The following DSG3 variants were observed in gnomAD, a reference collection of about 807,000 sequenced individuals.
DSG3 encodes desmoglein 3.
A neutral mutation model predicts 85.9 loss-of-function variants in DSG3; 63 were observed. The observed-to-expected ratio is 0.73, with a 90% CI of 0.60 to 0.90. The LOEUF is 0.90. Ranked by LOEUF, DSG3 falls within the 40% of genes least tolerant of loss-of-function variation. DSG3 has a pLI of 0.00. For missense variants in DSG3, 1,220 were observed against 1,219.9 expected (o/e 1.00, Z 0.00); for synonymous variants, 447 against 441.9 (o/e 1.01, Z -0.14).
Position 31,461,292 on chromosome 18 carries a change from G to A in DSG3, c.879G>A (p.Leu293=), listed in dbSNP as rs779110373. Residue 293 remains leucine (L), a synonymous_variant, in exon 8 of 16, where the codon TTG becomes TTA. Transcript: ENST00000257189. The stretch of plus-strand genomic sequence containing the variant: ...TACTTCGATTTCAAGTAACAGATTT[G>A]GATGAAGAGTACACAGATAATTGGC... ...SELLRFQVTD[L]DEEYTDNWLA... is the part of the protein sequence containing the mutation. The A allele has an allele frequency of 1.1e-5, 17 of 1,613,360 alleles. No individual in the cohort carries two copies. The highest frequency in any genetic ancestry group is 1.4e-5 in the Non-Finnish European group (16 of 1,179,702).
chr18:31,471,613 G>A (rs1234726749), intron 12 of DSG3, among the ~76,000 whole-genome samples: 1 of 152,174 alleles, frequency 6.6e-6, no homozygotes, highest in African/African-American at 2.4e-5. Context: ...TCAAGAATAA[G>A]TATTTCACTC....
intron 11 of DSG3, among the ~76,000 whole-genome samples, chr18:31,467,486 G>A (rs541884664): frequency 8.5e-4 from 130 of 152,322 alleles, no homozygotes; most frequent in Non-Finnish European, 1.2e-4. Context: ...AGGGAGTGCC[G>A]CTTACACTAT....
intron 1 of DSG3, among the ~76,000 whole-genome samples, chr18:31,449,098 A>G (rs1333570293): frequency 6.6e-6 from 1 of 152,134 alleles, no homozygotes; most frequent in Non-Finnish European, 1.5e-5. Context: ...GGGTTTTGCC[A>G]TGTTGACCAG....
chr18:31,469,550 A>G (rs536082453), intron 12 of DSG3, among the ~76,000 whole-genome samples: 63 of 152,354 alleles, frequency 4.1e-4, no homozygotes, highest in African/African-American at 1.5e-3. Flanking sequence ...ATATAGCAAC[A>G]CAAGTTATAT....
At chr18:31,462,032 T>C (rs1232000004) in intron 8 of DSG3, among the ~76,000 whole-genome samples, 1 of 151,986 alleles carries the variant, frequency 6.6e-6, no homozygotes, top group Non-Finnish European at 1.5e-5. Flanking sequence ...TGGTTGGTTT[T>C]TGTTTTTTGT....
chr18:31,459,005 A>G, intron 4 of DSG3, 28 bp from the exon 5 acceptor site: 1 of 1,611,014 alleles, frequency 6.2e-7, no homozygotes, highest in Non-Finnish European at 8.5e-7. Context: ...TTGCAGAGTA[A>G]TACTCCACAT....
At chr18:31,474,013 CACTT>C in intron 14 of DSG3, 104 bp from the exon 15 acceptor site, 3 of 1,032,208 alleles carry the variant, frequency 2.9e-6, no homozygotes, top group Non-Finnish European at 4.2e-6. Flanking sequence ...TATTTTCTCC[CACTT>C]ACTTGTTTGC....
At chr18:31,458,723 T>C in intron 4 of DSG3, 123 bp downstream of exon 4, 1 of 1,132,400 alleles carries the variant, frequency 8.8e-7, no homozygotes, top group Non-Finnish European at 1.2e-6. Context: ...CACCAGCAAA[T>C]AACAATATTA....
Position 31,447,760 on chromosome 18 carries a change from C to A in DSG3, c.-118C>A. ...GACCGCATAACAGACCATCTGTAGA[C>A]TCCTTCGGAAAGCAGCAGAGACGCT... On this transcript the variant is annotated 5_prime_UTR_variant, in exon 1 of 16. Transcript: ENST00000257189. The A allele has an allele frequency of 1.3e-6, 1 of 761,780 alleles. No homozygotes were observed. The highest frequency in any genetic ancestry group is 2.0e-6 in the Non-Finnish European group (1 of 489,358). The allele number at this position is 761,780 out of a possible 1,614,324, so 47.2% of individuals were successfully genotyped here.
Position 31,458,578 on chromosome 18 carries a change from G to A in DSG3, c.350G>A (p.Arg117Gln), listed in dbSNP as rs371200207. The A allele has an allele frequency of 5.1e-5, 83 of 1,613,152 alleles. No individual in the cohort carries two copies. The highest frequency in any genetic ancestry group is 1.6e-4 in the Middle Eastern group (1 of 6,078). ...GDINITAIVD[R>Q]EETPSFLITC... ...ATTAACATAACAGCTATAGTCGACC[G>A]GGAGGAAACTCCAAGCTTCCTGGTA... The change falls in exon 4 of 16, where the codon CGG becomes CAG. Residue 117 changes from arginine (R) to glutamine (Q), a missense_variant. Coordinates refer to ENST00000257189, the MANE Select transcript of DSG3 (RefSeq NM_001944.3).
chr18:31,475,062 T>C (rs1466990713), intron 15 of DSG3, among the ~76,000 whole-genome samples: 3 of 151,980 alleles, frequency 2.0e-5, no homozygotes, highest in South Asian at 4.1e-4. Flanking sequence ...GCAAAAAGAA[T>C]AGGATGGAAG....
In DSG3 at chr18:31,466,832, G is replaced by A. The variant is rs2072823985; in HGVS notation, c.1636+78G>A. 16 of 1,314,718 alleles carry A rather than the reference G, an allele frequency of 1.2e-5. 1 individual carries two copies. In the South Asian group the frequency reaches 1.7e-4, roughly 14 times the overall value. 81.4% of individuals were successfully genotyped at this position (1,314,718 alleles called of 1,614,324 possible). On this transcript the variant is annotated intron_variant, in intron 11 of 15. Transcript: ENST00000257189. ...CAGAAGAATAAGGAAGATCATTTAA[G>A]AGCAGGTCCTTCCAAAAGTAACTGG...
rs750822818 is a variant in DSG3 at position 31,472,676 on chromosome 18, T to C, written c.2038-49T>C. On this transcript the variant is annotated intron_variant, in intron 13 of 15. Transcript: ENST00000257189. ...AGGGCCACATGTCACTATATTGCTC[T>C]GAAATCTGGTTCACTTTTAAATGAA... The C allele has an allele frequency of 1.9e-6, 3 of 1,593,524 alleles. No individual in the cohort carries two copies. The Admixed American group carries it at 5.0e-5, about 27-fold the overall frequency.
At chr18:31,465,292 C>A in intron 9 of DSG3, 26 bp from the exon 10 acceptor site, 1 of 1,357,442 alleles carries the variant, frequency 7.4e-7, no homozygotes, top group Non-Finnish European at 9.6e-7. Context: ...TGAAAGAAAA[C>A]TGATTTTTTT....
chr18:31,474,221 T>C lies in DSG3; in HGVS notation c.2202T>C (p.Ala734=). The C allele has an allele frequency of 6.2e-7, 1 of 1,614,194 alleles. No homozygotes were observed. The highest frequency in any genetic ancestry group is 1.1e-5 in the South Asian group (1 of 91,086). The change falls in exon 15 of 16, where the codon GCT becomes GCC. Residue 734 remains alanine (A), a synonymous_variant. Coordinates refer to ENST00000257189, the MANE Select transcript of DSG3 (RefSeq NM_001944.3). Reference sequence around the variant, plus strand: ...GAGCAGCCACTGAATCTGGAGGTGCTGCAGGCTTTGCAACAGGGACAGTGT... The same window carrying C: ...GAGCAGCCACTGAATCTGGAGGTGCCGCAGGCTTTGCAACAGGGACAGTGT... ...KLGAATESGG[A]AGFATGTVSG... is the part of the protein sequence containing the mutation.
chr18:31,454,766 G>A (rs1295499240), intron 1 of DSG3, among the ~76,000 whole-genome samples: 2 of 151,482 alleles, frequency 1.3e-5, no homozygotes, highest in African/African-American at 4.9e-5. Flanking sequence ...AGGCCAAGGC[G>A]GGTGGATCAC....
At chr18:31,453,082 G>C (rs2072720998) in intron 1 of DSG3, among the ~76,000 whole-genome samples, 1 of 152,108 alleles carries the variant, frequency 6.6e-6, no homozygotes, top group African/African-American at 2.4e-5. Context: ...CAATGTTTCA[G>C]AGTTTTTAAA....
chr18:31,467,510 C>T (rs746438236), intron 11 of DSG3, among the ~76,000 whole-genome samples: 2 of 152,188 alleles, frequency 1.3e-5, no homozygotes, highest in Non-Finnish European at 2.9e-5. Flanking sequence ...TAGTCAGGAA[C>T]ATTGAGAGCA....
chr18:31,465,477 C>G lies in DSG3; in HGVS notation c.1411+20C>G. 1 of 1,430,422 alleles carries G rather than the reference C, an allele frequency of 7.0e-7. No homozygotes were observed. Among genetic ancestry groups the G allele is most frequent in the South Asian group, 1.8e-5 (1 of 56,356 alleles). The allele number at this position is 1,430,422 out of a possible 1,614,324, so 88.6% of individuals were successfully genotyped here. On this transcript the variant is annotated intron_variant, in intron 10 of 15. Transcript: ENST00000257189. ...TAGATGGTAAGAAAAATATTTGAAT[C>G]ATTTCAGAGGAATGTTATCGTAATT...
Sources: gnomAD v4.1 joint callset for allele counts (sites outside exome capture counted in the v4.1 genomes callset) on GRCh38, gnomAD v4.1.1 for gene constraint, MANE v1.5 for transcripts, NCBI Gene and HGNC (gene_info 2026-07-23, HGNC 2026-07-21) for gene names.